Variants in MACF1 observed in about 807,000 individuals in gnomAD.
MACF1 encodes microtubule actin crosslinking factor 1.
A neutral mutation model predicts 854.8 loss-of-function variants in MACF1; 193 were observed. The observed-to-expected ratio is 0.23, with a 90% CI of 0.20 to 0.25. The LOEUF (loss-of-function observed/expected upper bound fraction) is 0.25, where lower values mean the gene tolerates loss of function less well. Ranked by LOEUF, MACF1 falls within the 10% of genes least tolerant of loss-of-function variation. The pLI is 1.00. For synonymous variants in MACF1, 3,185 were observed against 3,226.7 expected, an observed-to-expected ratio of 0.99 and a Z score of 0.44; for missense variants, 7,722 against 8,929.1, an observed-to-expected ratio of 0.86 and a Z score of 5.45.
chr1:39,310,126 A>G (rs1393303027), intron 24 of MACF1, 119 bp from the exon 25 acceptor site: 4 of 817,128 alleles, frequency 4.9e-6, no homozygotes, highest in African/African-American at 1.7e-5. Context: ...AAAAATCAAC[A>G]TGTTTACGAT....
At chr1:39,360,012 A>AAAT (rs1557608845) in intron 47 of MACF1, among the ~76,000 whole-genome samples, 12 of 28,828 alleles carry the variant, frequency 4.2e-4, no homozygotes, top group Admixed American at 1.2e-3. Flanking sequence ...AAAAAAAAAA[A>AAAT]ATATATATAT....
intron 88 of MACF1, 41 bp from the exon 89 acceptor site, chr1:39,454,868 G>T (rs775160207): frequency 1.3e-6 from 2 of 1,561,280 alleles, no homozygotes; most frequent in South Asian, 2.3e-5. Context: ...AAGGGGGTAT[G>T]CTTGACTGAA....
intron 99 of MACF1, among the ~76,000 whole-genome samples, chr1:39,483,134 C>CT (rs1285336228): frequency 7.0e-6 from 1 of 142,404 alleles, no homozygotes; most frequent in Non-Finnish European, 1.5e-5. Context: ...TTAAAATACT[C>CT]TTTTTCCTCC....
chr1:39,448,544 A>G, intron 83 of MACF1, 50 bp from the exon 84 acceptor site: 1 of 1,408,134 alleles, frequency 7.1e-7, no homozygotes, highest in Non-Finnish European at 9.4e-7. Context: ...TTCCAAATCA[A>G]GATGTCGTCT....
At position 39,105,793 on chromosome 1, in the gene MACF1, G is replaced by A; in HGVS notation, c.220+21355G>A. The A allele has an allele frequency of 1.0e-6, 1 of 1,000,804 alleles. No homozygotes were observed. The highest frequency in any genetic ancestry group is 1.2e-6 in the Non-Finnish European group (1 of 839,334). The allele number at this position is 1,000,804 out of a possible 1,614,324, so 62.0% of individuals were successfully genotyped here. Reference sequence around the variant, plus strand: ...GCCTTCGGAGCCGGTCGGCTCGGCGGCTGCAGGTGGGGCGGCCGGGCGGGG... The same window carrying A: ...GCCTTCGGAGCCGGTCGGCTCGGCGACTGCAGGTGGGGCGGCCGGGCGGGG... On this transcript the variant is annotated intron_variant, in intron 2 of 93. Coordinates refer to the MACF1 transcript ENST00000361689. The surrounding 1 kb of genome is among the most constrained non-coding windows in gnomAD (Gnocchi z 5.9).
intron 23 of MACF1, chr1:39,304,476 G>GA (rs1209006939): frequency 7.0e-7 from 1 of 1,438,680 alleles, no homozygotes; most frequent in Admixed American, 1.7e-5. Flanking sequence ...ACTGTTGCTT[G>GA]AAATACTTTT....
chr1:39,413,618 C>A, intron 58 of MACF1: 1 of 1,518,994 alleles, frequency 6.6e-7, no homozygotes, highest in Non-Finnish European at 8.8e-7. Context: ...GAGGAGCCCG[C>A]CTCCCCAGCT....
chr1:39,334,195 A>G lies in MACF1; in HGVS notation c.7607A>G (p.Lys2536Arg), dbSNP rs1646774177. 6.2e-7 allele frequency: 1 copy of G among 1,614,176 alleles called. No homozygotes were observed. The highest frequency in any genetic ancestry group is 8.5e-7 in the Non-Finnish European group (1 of 1,180,022). The part of the protein sequence containing the change: ...LIGEDLAEKL[K>R]RVENLNIHQI... ...GGTGAAGATTTAGCCGAGAAACTCA[A>G]AAGAGTTGAGAACTTAAACATCCAT... The change falls in exon 37 of 101, where the codon AAA (lysine) becomes AGA (arginine). Residue 2536 changes from lysine to arginine, a missense_variant. Lys to Arg is a conservative substitution (Grantham distance 26). Around this residue, in one of 15 missense-constraint regions of MACF1, gnomAD observed 1,531 missense variants for 1,601.6 expected, o/e 0.96. Transcript: ENST00000564288.
Position 39,340,973 on chromosome 1 carries a change from C to G in MACF1, c.10581+20C>G, listed in dbSNP as rs766228868. 1 of 1,571,934 alleles carries G rather than the reference C, an allele frequency of 6.4e-7. No individual in the cohort carries two copies. The highest frequency in any genetic ancestry group is 1.4e-5 in the African/African-American group (1 of 73,032). ...TATGAGGTAAACTCAAGCACATTTT[C>G]TTTGTCCTTTGAGTTGTATCAATTT... On this transcript the variant is annotated intron_variant, in intron 40 of 100. Coordinates refer to ENST00000564288, the MANE Select transcript of MACF1 (RefSeq NM_001394062.1).
chr1:39,299,153 C>T (rs952458250), intron 21 of MACF1: 4 of 450,828 alleles, frequency 8.9e-6, no homozygotes, highest in Non-Finnish European at 1.8e-5. Flanking sequence ...GACCAGCTCT[C>T]AAGTATGGAA....
intron 2 of MACF1, among the ~76,000 whole-genome samples, chr1:39,149,151 G>T (rs1178440092): frequency 1.3e-5 from 2 of 152,174 alleles, no homozygotes; most frequent in African/African-American, 4.8e-5. Context: ...ATACAGAAGA[G>T]GATGACTGGG....
At chr1:39,477,545 C>T (rs1644932341) in intron 97 of MACF1, among the ~76,000 whole-genome samples, 1 of 151,920 alleles carries the variant, frequency 6.6e-6, no homozygotes, top group Non-Finnish European at 1.5e-5. Context: ...TCATTGCCCT[C>T]CTGAGATAGA....
At chr1:39,459,490 G>C (rs767880695) in intron 91 of MACF1, among the ~76,000 whole-genome samples, 20 of 152,150 alleles carry the variant, frequency 1.3e-4, no homozygotes, top group Non-Finnish European at 2.9e-4. Flanking sequence ...CAAGAAAACA[G>C]CCAGTCCATA....
intron 49 of MACF1, 76 bp from the exon 50 acceptor site, chr1:39,368,072 C>A: frequency 2.4e-6 from 3 of 1,243,226 alleles, no homozygotes; most frequent in Non-Finnish European, 3.4e-6. Flanking sequence ...GGCAAGCATA[C>A]CTCTTTCCTT....
At chr1:39,160,357 T>C (rs1643772440) in intron 2 of MACF1, among the ~76,000 whole-genome samples, 1 of 152,158 alleles carries the variant, frequency 6.6e-6, no homozygotes, top group Non-Finnish European at 1.5e-5. Context: ...TACCCACATC[T>C]GACTAAGCAT....
At chr1:39,276,333 C>T (rs1048264243) in intron 6 of MACF1, among the ~76,000 whole-genome samples, 11 of 152,030 alleles carry the variant, frequency 7.2e-5, no homozygotes, top group Non-Finnish European at 1.5e-4. Context: ...CAGAACAACT[C>T]GTCTCATCCA....
rs568274808 is a variant in MACF1, at chr1:39,153,696, A to G, written c.220+69258A>G. Among the ~76,000 whole-genome samples the G allele has an allele frequency of 5.8e-4, 89 of 152,258 alleles. 1 individual carries two copies. Among genetic ancestry groups the G allele is most frequent in the East Asian group, 9.7e-4 (5 of 5,176 alleles). On this transcript the variant is annotated intron_variant, in intron 2 of 93. Coordinates refer to the MACF1 transcript ENST00000361689. ...CTTTAAAGCCTCACTTGGTCTTGCC[A>G]TTTCAGCCCTTTCCTTCGAAGTATG...
rs541496808 is a variant in MACF1 at position 39,413,755 on chromosome 1, C to T, written c.15817-8619C>T. On this transcript the variant is annotated intron_variant, in intron 58 of 100. Coordinates refer to ENST00000564288, the MANE Select transcript of MACF1 (RefSeq NM_001394062.1). ...ATCCGCCTCCGCAGCTGTTGCAGTG[C>T]CCACCCCCGAGGAATCTGCCTCCCC... The T allele has an allele frequency of 1.4e-5, 22 of 1,605,408 alleles. No individual in the cohort carries two copies. In the Admixed American group the frequency reaches 3.5e-4, roughly 26 times the overall value.
At chr1:39,356,497 C>T (rs1051968155) in intron 44 of MACF1, among the ~76,000 whole-genome samples, 4 of 152,052 alleles carry the variant, frequency 2.6e-5, no homozygotes, top group African/African-American at 9.7e-5. Context: ...CTCAGCCTCC[C>T]AAGTAGCTGG....
Sources: allele counts gnomAD v4.1 joint callset (sites outside exome capture counted in the v4.1 genomes callset), GRCh38; gene constraint gnomAD v4.1.1; regional missense constraint gnomAD v4.1.1; non-coding constraint Gnocchi (gnomAD v3.1); transcripts MANE v1.5; gene names NCBI Gene and HGNC (gene_info 2026-07-23, HGNC 2026-07-21).